Variants in SUPT3H observed in about 807,000 individuals in gnomAD.
SUPT3H encodes transcription initiation protein SPT3 homolog.
In SUPT3H, 44 loss-of-function variants were observed where a neutral mutation model predicts 44.3. The observed-to-expected ratio is 0.99, with a 90% CI of 0.78 to 1.28. SUPT3H has a LOEUF of 1.28. SUPT3H is among the 50% of genes most tolerant of loss of function. The pLI is 0.00. For synonymous variants in SUPT3H, 124 were observed against 125.6 expected (o/e 0.99, Z 0.09); for missense variants, 380 against 387.1 (o/e 0.98, Z 0.15).
chr6:44,908,203 G>A (rs1766424097), intron 10 of SUPT3H, among the ~76,000 whole-genome samples: 1 of 148,648 alleles, frequency 6.7e-6, no homozygotes, highest in Non-Finnish European at 1.5e-5. Flanking sequence ...TCAGGCTGGA[G>A]TGCAGTGGAG....
At chr6:44,884,004 T>C (rs1778702170) in intron 10 of SUPT3H, among the ~76,000 whole-genome samples, 1 of 152,092 alleles carries the variant, frequency 6.6e-6, no homozygotes, top group Admixed American at 6.6e-5. Context: ...AAGCCAAAAT[T>C]GACAAATGGG....
chr6:44,887,643 C>G lies in SUPT3H; in HGVS notation c.912+45010G>C, dbSNP rs561855941. Among the ~76,000 whole-genome samples, 981 of 151,582 alleles carry G rather than the reference C, an allele frequency of 6.5e-3. 12 individuals are homozygous for G. Among genetic ancestry groups the G allele is most frequent in the Admixed American group, 0.024 (360 of 15,192 alleles). ...AGTGTGTAGAGGGAAATTTATAGCA[C>G]TAAATGCCCACAAGAGAAAGCAGGA... On this transcript the variant is annotated intron_variant, in intron 10 of 10. Transcript: ENST00000371459.
intron 10 of SUPT3H, among the ~76,000 whole-genome samples, chr6:44,896,008 TG>T (rs1764075870): frequency 6.6e-6 from 1 of 152,074 alleles, no homozygotes; most frequent in African/African-American, 2.4e-5. Flanking sequence ...ATATGTCCCA[TG>T]GGCATTCAGA....
chr6:45,273,168 T>C (rs1007734895), intron 2 of SUPT3H, among the ~76,000 whole-genome samples: 2 of 152,202 alleles, frequency 1.3e-5, no homozygotes, highest in Non-Finnish European at 2.9e-5. Context: ...GGTGAACCAA[T>C]TGAGATATCT....
chr6:44,998,754 T>A (rs2153503249), intron 6 of SUPT3H, among the ~76,000 whole-genome samples: 1 of 152,108 alleles, frequency 6.6e-6, no homozygotes, highest in East Asian at 1.9e-4. Context: ...TTATATGTCT[T>A]CTTTTTATTT....
chr6:44,908,216 A>G (rs891955433), intron 10 of SUPT3H, among the ~76,000 whole-genome samples: 10 of 144,650 alleles, frequency 6.9e-5, no homozygotes, highest in Non-Finnish European at 1.2e-4. Flanking sequence ...CAGTGGAGCT[A>G]TCTGAGCTCA....
chr6:45,221,292 G>A (rs1370051877), intron 2 of SUPT3H, among the ~76,000 whole-genome samples: 3 of 152,128 alleles, frequency 2.0e-5, no homozygotes, highest in Non-Finnish European at 4.4e-5. Context: ...AATGGGTGCA[G>A]CAAACCAACA....
chr6:45,172,051 G>A (rs1810886584), intron 2 of SUPT3H, among the ~76,000 whole-genome samples: 1 of 146,352 alleles, frequency 6.8e-6, no homozygotes. Context: ...GCATTCCAAT[G>A]GAATATGGTC....
chr6:44,824,261 T>TTGAC (rs1319530805), downstream of SUPT3H, among the ~76,000 whole-genome samples: 1 of 152,210 alleles, frequency 6.6e-6, no homozygotes, highest in African/African-American at 2.4e-5. Context: ...GTCTGCTTGC[T>TTGAC]TGACTGACTG....
chr6:44,881,578 A>C (rs1778229879), intron 10 of SUPT3H, among the ~76,000 whole-genome samples: 1 of 152,190 alleles, frequency 6.6e-6, no homozygotes, highest in Admixed American at 6.5e-5. Context: ...AAATCAACAG[A>C]ATATACATTC....
intron 3 of SUPT3H, among the ~76,000 whole-genome samples, chr6:45,027,766 TTA>T (rs1174661218): frequency 1.3e-5 from 2 of 152,198 alleles, no homozygotes; most frequent in African/African-American, 2.4e-5. Context: ...CAAAATGTGT[TTA>T]TGTCATCCTT....
chr6:44,844,211 G>A (rs960165188), intron 10 of SUPT3H, among the ~76,000 whole-genome samples: 1 of 152,020 alleles, frequency 6.6e-6, no homozygotes, highest in Non-Finnish European at 1.5e-5. Context: ...AGTGAACCTC[G>A]ATTCTTACCC....
rs530136509 is a variant in SUPT3H at position 44,976,802 on chromosome 6, G to C, written c.505-14974C>G. Among the ~76,000 whole-genome samples, 6 of 152,282 alleles carry C rather than the reference G, an allele frequency of 3.9e-5. No homozygotes were observed. In the South Asian group the frequency reaches 1.2e-3, roughly 32 times the overall value. On this transcript the variant is annotated intron_variant, in intron 6 of 10. Transcript: ENST00000371459. ...TGCAGGGACTTTTCTCTTGAAGAAG[G>C]CTTGGCTATACTTAGATTCAGTATA...
At chr6:45,232,137 T>C (rs949885158) in intron 2 of SUPT3H, among the ~76,000 whole-genome samples, 2 of 152,226 alleles carry the variant, frequency 1.3e-5, no homozygotes, top group Non-Finnish European at 2.9e-5. Flanking sequence ...ACTTCCTGTG[T>C]CCTAACATTG....
intron 11 of SUPT3H, among the ~76,000 whole-genome samples, chr6:44,819,694 G>C (rs1274500036): frequency 6.6e-6 from 1 of 151,958 alleles, no homozygotes; most frequent in Non-Finnish European, 1.5e-5. Context: ...TCAGGAGGCT[G>C]AGGTGGGAGG....
At chr6:44,905,219 C>G (rs1765801787) in intron 10 of SUPT3H, among the ~76,000 whole-genome samples, 2 of 152,128 alleles carry the variant, frequency 1.3e-5, no homozygotes, top group Admixed American at 1.3e-4. Context: ...AAACTACCAT[C>G]AGAGTGAACA....
intron 2 of SUPT3H, among the ~76,000 whole-genome samples, chr6:45,248,712 C>T (rs949006451): frequency 6.6e-6 from 1 of 151,978 alleles, no homozygotes; most frequent in Non-Finnish European, 1.5e-5. Context: ...GTCAGGAGAT[C>T]GAGACCACCC....
intron 2 of SUPT3H, among the ~76,000 whole-genome samples, chr6:45,183,269 C>T (rs1280025125): frequency 6.6e-6 from 1 of 151,918 alleles, no homozygotes; most frequent in Non-Finnish European, 1.5e-5. Flanking sequence ...AATAGGCAAA[C>T]TGATAGAGAC....
At chr6:44,842,237 C>A (rs1163574068) in intron 10 of SUPT3H, among the ~76,000 whole-genome samples, 1 of 152,006 alleles carries the variant, frequency 6.6e-6, no homozygotes, top group Non-Finnish European at 1.5e-5. Context: ...GTGAAATGCA[C>A]ATGGTAGGCT....
Sources: allele counts gnomAD v4.1 joint callset (sites outside exome capture counted in the v4.1 genomes callset), GRCh38; gene constraint gnomAD v4.1.1; transcripts MANE v1.5; gene names NCBI Gene and HGNC (gene_info 2026-07-23, HGNC 2026-07-21).